Variants in RAB11FIP3 observed in about 807,000 individuals in gnomAD.
RAB11FIP3 encodes the protein RAB11 family interacting protein 3.
A neutral mutation model predicts 77.8 loss-of-function variants in RAB11FIP3; 17 were observed. The ratio of observed to expected loss-of-function variants is 0.22; its 90% confidence interval spans 0.15 to 0.33. The LOEUF (loss-of-function observed/expected upper bound fraction) is 0.33. Ranked by LOEUF, RAB11FIP3 falls within the 10% of genes least tolerant of loss-of-function variation. The pLI is 1.00. For synonymous variants in RAB11FIP3, 437 were observed against 448.2 expected (o/e 0.98, Z 0.31); for missense variants, 1,005 against 1,011.2 (o/e 0.99, Z 0.08).
At chr16:492,425 C>CCCGGGAGACCCGAGGCCGCCCAGGGCCCT (rs2030511213) in intron 5 of RAB11FIP3, among the ~76,000 whole-genome samples, 5 of 43,220 alleles carry the variant, frequency 1.2e-4, no homozygotes, top group Admixed American at 2.1e-4. Context: ...CCAGGGCCCT[C>CCCGGGAGACCCGAGGCCGCCCAGGGCCCT]CCCGGGAGAC....
intron 3 of RAB11FIP3, among the ~76,000 whole-genome samples, chr16:473,871 C>T (rs2055853224): frequency 1.3e-5 from 2 of 152,126 alleles, no homozygotes; most frequent in Non-Finnish European, 1.5e-5. Context: ...CACACCAGCC[C>T]CCACAACCAC....
intron 1 of RAB11FIP3, among the ~76,000 whole-genome samples, chr16:443,800 G>A (rs974899427): frequency 3.3e-5 from 5 of 152,366 alleles, no homozygotes; most frequent in African/African-American, 9.6e-5. Flanking sequence ...TCCTGACCTT[G>A]TGATCCGCCC....
At chr16:489,766 G>A (rs2030003902) in intron 5 of RAB11FIP3, among the ~76,000 whole-genome samples, 1 of 152,268 alleles carries the variant, frequency 6.6e-6, no homozygotes, top group Non-Finnish European at 1.5e-5. Flanking sequence ...CTGGGTGGAG[G>A]GCGGTGCAGG....
chr16:450,575 G>T (rs931304142), intron 1 of RAB11FIP3, among the ~76,000 whole-genome samples: 67 of 152,300 alleles, frequency 4.4e-4, no homozygotes, highest in African/African-American at 1.5e-3. Context: ...CCCCATGGGG[G>T]CTGGTGTTAC....
chr16:450,823 C>G (rs1232381343), intron 1 of RAB11FIP3, among the ~76,000 whole-genome samples: 1 of 146,682 alleles, frequency 6.8e-6, no homozygotes, highest in Admixed American at 7.0e-5. Flanking sequence ...GAGAGCCTCC[C>G]GCTCCCTCCC....
intron 3 of RAB11FIP3, 129 bp from the exon 4 acceptor site, chr16:482,396 T>C (rs756588738): frequency 5.9e-6 from 5 of 849,936 alleles, no homozygotes; most frequent in African/African-American, 1.7e-5. Context: ...TTAGAGACAG[T>C]TGGGACTTCA....
chr16:427,946 A>C (rs2054977904), intron 1 of RAB11FIP3, among the ~76,000 whole-genome samples: 1 of 151,972 alleles, frequency 6.6e-6, no homozygotes, highest in South Asian at 2.1e-4. Context: ...AAAAAATACA[A>C]AAAAATTAGT....
Position 482,471 on chromosome 16 carries a change from T to TC in RAB11FIP3, c.904-53dup, listed in dbSNP as rs535985573. 508 of 1,551,362 alleles carry TC rather than the reference T, an allele frequency of 3.3e-4. 1 individual carries two copies. Among genetic ancestry groups the TC allele is most frequent in the Admixed American group, 7.7e-4 (46 of 59,914 alleles). On this transcript the variant is annotated intron_variant, in intron 3 of 13. Transcript: ENST00000262305. ...CTTGCAGCAGTGAGGTGTGGGGCGT[T>TC]CGCAGTTCCCCTCCCAGCTTGTGCC...
At chr16:443,863 C>T (rs9921367) in intron 1 of RAB11FIP3, among the ~76,000 whole-genome samples, 2 of 152,204 alleles carry the variant, frequency 1.3e-5, no homozygotes, top group African/African-American at 4.8e-5. Context: ...CGCGCCCGGC[C>T]TGGATATGTA....
intron 6 of RAB11FIP3, among the ~76,000 whole-genome samples, chr16:498,895 T>G (rs73496259): frequency 0.057 from 8,701 of 152,192 alleles, 407 homozygotes; most frequent in African/African-American, 0.13. Context: ...TCTAACTGTC[T>G]TCTTGCTCAC....
intron 1 of RAB11FIP3, among the ~76,000 whole-genome samples, chr16:448,641 CAGG>C (rs1354720957): frequency 4.0e-5 from 6 of 150,126 alleles, no homozygotes; most frequent in African/African-American, 1.5e-4. Context: ...GAGGCTGAGG[CAGG>C]AGAATGGCGT....
intron 1 of RAB11FIP3, among the ~76,000 whole-genome samples, chr16:447,873 G>A (rs1226975771): frequency 3.9e-5 from 6 of 152,186 alleles, no homozygotes; most frequent in Non-Finnish European, 8.8e-5. Context: ...TGAGAACAAA[G>A]GGTTACATTC....
intron 3 of RAB11FIP3, among the ~76,000 whole-genome samples, chr16:473,046 G>A (rs1168102629): frequency 6.6e-6 from 1 of 152,166 alleles, no homozygotes; most frequent in Non-Finnish European, 1.5e-5. Flanking sequence ...CTCACACCTT[G>A]GCTTTGGACT....
At chr16:518,685 C>T (rs1018425549) in intron 9 of RAB11FIP3, among the ~76,000 whole-genome samples, 7 of 152,010 alleles carry the variant, frequency 4.6e-5, no homozygotes, top group African/African-American at 1.7e-4. Flanking sequence ...GAGATCACAC[C>T]ACTGCACTCC....
intron 8 of RAB11FIP3, among the ~76,000 whole-genome samples, chr16:508,851 C>T (rs934081477): frequency 6.6e-6 from 1 of 151,968 alleles, no homozygotes; most frequent in African/African-American, 2.4e-5. Context: ...TTTTATCTTT[C>T]TGTTCTTTTT....
At chr16:452,509 A>T (rs978020884) in intron 1 of RAB11FIP3, 4 of 150,254 alleles carry the variant, frequency 2.7e-5, no homozygotes, top group African/African-American at 9.8e-5. Flanking sequence ...ATCTCGGCTC[A>T]CTGCAAGCTC....
At chr16:431,850 G>A (rs1407587566) in intron 1 of RAB11FIP3, among the ~76,000 whole-genome samples, 6 of 151,552 alleles carry the variant, frequency 4.0e-5, no homozygotes, top group African/African-American at 1.5e-4. Context: ...TCCGCCTCCC[G>A]GGTTTATGCC....
chr16:515,126 G>A (rs890586699), intron 9 of RAB11FIP3, among the ~76,000 whole-genome samples: 2 of 152,332 alleles, frequency 1.3e-5, no homozygotes, highest in African/African-American at 4.8e-5. Context: ...AGAAAGAGGG[G>A]TCAGGCCTCG....
intron 9 of RAB11FIP3, among the ~76,000 whole-genome samples, chr16:517,808 C>T (rs966472351): frequency 1.6e-4 from 24 of 152,004 alleles, no homozygotes; most frequent in Admixed American, 2.0e-4. Context: ...CTTGGCCGGG[C>T]GCGGTGGCTC....
Sources: gnomAD v4.1 joint callset for allele counts (sites outside exome capture counted in the v4.1 genomes callset) on GRCh38, gnomAD v4.1.1 for gene constraint, MANE v1.5 for transcripts, NCBI Gene and HGNC (gene_info 2026-07-23, HGNC 2026-07-21) for gene names.